The following SLC8A3 variants were observed in gnomAD, a reference collection of about 807,000 sequenced individuals.
The protein encoded by SLC8A3 is sodium/calcium exchanger 3.
A neutral mutation model predicts 65.4 loss-of-function variants in SLC8A3; 37 were observed. The ratio of observed to expected loss-of-function variants is 0.57; its 90% CI spans 0.44 to 0.74. The LOEUF is 0.74. Ranked by LOEUF, SLC8A3 falls within the 30% of genes least tolerant of loss-of-function variation. The probability of loss-of-function intolerance (pLI) is 0.00; values close to 1 mark genes in which losing one functional copy is unlikely to be tolerated. For synonymous variants in SLC8A3, 461 were observed against 444.5 expected, an observed-to-expected ratio of 1.04 and a Z score of -0.47; for missense variants, 1,112 against 1,172.1, an observed-to-expected ratio of 0.95 and a Z score of 0.75.
At chr14:70,080,288 G>A in intron 2 of SLC8A3, 1 of 953,644 alleles carries the variant, frequency 1.0e-6, no homozygotes, top group Non-Finnish European at 1.2e-6. Context: ...GGAGGGGAAG[G>A]ACAGCTTGAA....
At chr14:70,053,669 C>A (rs1438508847) in intron 3 of SLC8A3, among the ~76,000 whole-genome samples, 1 of 152,226 alleles carries the variant, frequency 6.6e-6, no homozygotes, top group Non-Finnish European at 1.5e-5. Context: ...ATCCATCTGG[C>A]AGGATATTGA....
At chr14:70,061,383 C>G (rs1566744715) in intron 2 of SLC8A3, among the ~76,000 whole-genome samples, 1 of 152,134 alleles carries the variant, frequency 6.6e-6, no homozygotes, top group East Asian at 1.9e-4. Flanking sequence ...TGGGAATAAC[C>G]CAGGGTCTTC....
chr14:70,179,188 C>T (rs1412686077), intron 1 of SLC8A3, among the ~76,000 whole-genome samples: 2 of 152,176 alleles, frequency 1.3e-5, no homozygotes, highest in African/African-American at 2.4e-5. Flanking sequence ...TTAGATGCCC[C>T]CTCTCTGAGA....
At chr14:70,139,057 C>T (rs1272920868) in intron 2 of SLC8A3, among the ~76,000 whole-genome samples, 1 of 152,112 alleles carries the variant, frequency 6.6e-6, no homozygotes, top group Non-Finnish European at 1.5e-5. Flanking sequence ...CTTAATTCTC[C>T]CCAGGCTTAA....
intron 2 of SLC8A3, among the ~76,000 whole-genome samples, chr14:70,099,754 A>G (rs1331195064): frequency 6.6e-6 from 1 of 152,154 alleles, no homozygotes; most frequent in East Asian, 1.9e-4. Flanking sequence ...TTGATTCAGG[A>G]ATTATATTCA....
intron 2 of SLC8A3, among the ~76,000 whole-genome samples, chr14:70,075,132 TGTGTGTGCGCGCATGTGTGTGCGTGC>T (rs1890372130): frequency 6.6e-6 from 1 of 152,108 alleles, no homozygotes; most frequent in Admixed American, 6.6e-5. Context: ...TATGTGTGTG[TGTGTGTGCGCGCATGTGTGTGCGTGC>T]GTGTGTGCGT....
At chr14:70,185,187 G>C (rs1337220114) in intron 1 of SLC8A3, among the ~76,000 whole-genome samples, 1 of 152,048 alleles carries the variant, frequency 6.6e-6, no homozygotes, top group Admixed American at 6.5e-5. Flanking sequence ...GGCTGGTCTC[G>C]AACTTCTGAC....
chr14:70,134,533 T>A (rs1895063396), intron 2 of SLC8A3, among the ~76,000 whole-genome samples: 1 of 152,154 alleles, frequency 6.6e-6, no homozygotes, highest in East Asian at 1.9e-4. Flanking sequence ...TTCCTTTTCC[T>A]CATCCCATGT....
At chr14:70,086,856 C>A in intron 2 of SLC8A3, among the ~76,000 whole-genome samples, 1 of 152,178 alleles carries the variant, frequency 6.6e-6, no homozygotes. Flanking sequence ...GCCTTCTGCT[C>A]TGGGAATGTG....
At chr14:70,090,756 C>T (rs958589121) in intron 2 of SLC8A3, among the ~76,000 whole-genome samples, 2 of 152,004 alleles carry the variant, frequency 1.3e-5, no homozygotes, top group African/African-American at 2.4e-5. Flanking sequence ...AATGTGAAAC[C>T]GCATCCCACT....
intron 2 of SLC8A3, among the ~76,000 whole-genome samples, chr14:70,110,281 C>A (rs1181703328): frequency 2.0e-5 from 3 of 151,964 alleles, no homozygotes; most frequent in African/African-American, 7.3e-5. Context: ...AATAGTAGGC[C>A]TTATTCATTC....
At chr14:70,079,385 C>T (rs1013144824) in intron 2 of SLC8A3, among the ~76,000 whole-genome samples, 23 of 150,678 alleles carry the variant, frequency 1.5e-4, no homozygotes, top group African/African-American at 5.6e-4. Flanking sequence ...CATCTGTAAT[C>T]CCAGCTACTC....
At chr14:70,125,980 T>G (rs929512618) in intron 2 of SLC8A3, among the ~76,000 whole-genome samples, 5 of 152,180 alleles carry the variant, frequency 3.3e-5, no homozygotes, top group African/African-American at 1.2e-4. Context: ...GGGTCTCCAT[T>G]TCACCTTTTA....
intron 2 of SLC8A3, among the ~76,000 whole-genome samples, chr14:70,121,296 T>C (rs1894035793): frequency 6.6e-6 from 1 of 152,176 alleles, no homozygotes; most frequent in South Asian, 2.1e-4. Flanking sequence ...AAGAAGCATC[T>C]CCACTCTATG....
intron 2 of SLC8A3, among the ~76,000 whole-genome samples, chr14:70,090,061 G>A (rs987383742): frequency 2.6e-5 from 4 of 151,352 alleles, no homozygotes; most frequent in Non-Finnish European, 5.9e-5. Context: ...AACATATTTT[G>A]CTAACTGCAG....
chr14:70,062,117 C>CG (rs1254861763), intron 2 of SLC8A3, among the ~76,000 whole-genome samples: 11 of 1,098 alleles, frequency 0.01, no homozygotes, highest in Admixed American at 0.057. Context: ...TGGCGGGGGG[C>CG]GGGGGGGAGA....
At chr14:70,112,871 C>A (rs552911238) in intron 2 of SLC8A3, among the ~76,000 whole-genome samples, 2 of 152,246 alleles carry the variant, frequency 1.3e-5, no homozygotes, top group African/African-American at 4.8e-5. Context: ...TCTCACATGG[C>A]CTTCTCCCCT....
chr14:70,090,556 T>G (rs28640248), intron 2 of SLC8A3, among the ~76,000 whole-genome samples: 9,406 of 152,226 alleles, frequency 0.062, 314 homozygotes, highest in African/African-American at 0.078. Flanking sequence ...AATATAAACA[T>G]AAAGGCGCTT....
At chr14:70,104,438 ACT>A (rs1302182226) in intron 2 of SLC8A3, among the ~76,000 whole-genome samples, 1 of 151,844 alleles carries the variant, frequency 6.6e-6, no homozygotes, top group Non-Finnish European at 1.5e-5. Context: ...ATAATTTGAG[ACT>A]CTGTTATTAG....
Sources: allele counts gnomAD v4.1 joint callset (sites outside exome capture counted in the v4.1 genomes callset), GRCh38; gene constraint gnomAD v4.1.1; transcripts MANE v1.5; gene names NCBI Gene and HGNC (gene_info 2026-07-23, HGNC 2026-07-21).